The following PPP6R3 variants were observed in gnomAD, a reference collection of about 807,000 sequenced individuals.
PPP6R3 encodes protein phosphatase 6 regulatory subunit 3.
Under a neutral mutation model 110.7 loss-of-function variants are expected in PPP6R3, and 38 were observed. The observed-to-expected ratio is 0.34, with a 90% CI of 0.26 to 0.45. PPP6R3 has a LOEUF of 0.45. Among genes scored for constraint, PPP6R3 ranks in the 20% least tolerant of loss-of-function variants. The pLI, the probability that PPP6R3 is intolerant of heterozygous loss-of-function variation, is 1.00. For missense variants in PPP6R3, 870 were observed against 1,062.4 expected, an observed-to-expected ratio of 0.82 and a Z score of 2.52; for synonymous variants, 369 against 373.5, an observed-to-expected ratio of 0.99 and a Z score of 0.14.
intron 4 of PPP6R3, among the ~76,000 whole-genome samples, chr11:68,547,563 A>G (rs1302883697): frequency 6.6e-6 from 1 of 152,326 alleles, no homozygotes; most frequent in African/African-American, 2.4e-5. Flanking sequence ...GTGAAGTCAA[A>G]ATCAAAGGCG....
At chr11:68,576,067 T>G (rs776257651) in intron 14 of PPP6R3, 24 bp downstream of exon 14, 1 of 1,527,770 alleles carries the variant, frequency 6.5e-7, no homozygotes, top group East Asian at 2.3e-5. Flanking sequence ...GGTTACATTT[T>G]TATTCTTTCA....
At chr11:68,575,925 T>C in intron 13 of PPP6R3, 33 bp from the exon 14 acceptor site, 2 of 1,499,714 alleles carry the variant, frequency 1.3e-6, no homozygotes, top group Non-Finnish European at 1.9e-6. Flanking sequence ...GTCATTGTGG[T>C]GATAATGCTT....
intron 12 of PPP6R3, among the ~76,000 whole-genome samples, chr11:68,573,706 C>T (rs2099519471): frequency 6.6e-6 from 1 of 152,106 alleles, no homozygotes; most frequent in Admixed American, 6.5e-5. Context: ...AGAATTCTTA[C>T]CTCAGTTCCT....
chr11:68,477,741 A>AAATAT, intron 1 of PPP6R3, among the ~76,000 whole-genome samples: 34 of 57,906 alleles, frequency 5.9e-4, no homozygotes, highest in East Asian at 3.1e-3. Flanking sequence ...AAAAAAAAAA[A>AAATAT]ATATATATAT....
intron 4 of PPP6R3, among the ~76,000 whole-genome samples, chr11:68,546,996 A>G (rs543504475): frequency 1.3e-5 from 2 of 152,322 alleles, no homozygotes; most frequent in African/African-American, 4.8e-5. Flanking sequence ...TTATATCATA[A>G]TGCTTGACCT....
At chr11:68,529,157 A>G (rs2099220765) in intron 2 of PPP6R3, among the ~76,000 whole-genome samples, 1 of 152,188 alleles carries the variant, frequency 6.6e-6, no homozygotes, top group Non-Finnish European at 1.5e-5. Flanking sequence ...TTCTGAAAAT[A>G]TATTTTGAAT....
chr11:68,508,121 C>CTTTTTTTTTTTT lies in PPP6R3; in HGVS notation c.-157-11366_-157-11355dup, dbSNP rs748376581. Among the ~76,000 whole-genome samples the CTTTTTTTTTTTT allele has an allele frequency of 3.4e-3, 267 of 77,622 alleles. 21 individuals carry two copies. Among genetic ancestry groups the CTTTTTTTTTTTT allele is most frequent in the African/African-American group, 0.015 (254 of 16,442 alleles). The allele number at this position is 77,622 out of a possible 152,430, so 50.9% of individuals were successfully genotyped here. On this transcript the variant is annotated intron_variant, in intron 1 of 23. Transcript: ENST00000393800. ...CCCCGGCCTAAGTGAGTTTTTTGGC[C>CTTTTTTTTTTTT]TTTTTTTTTTTTTTTTTTTTTTTTT...
intron 1 of PPP6R3, among the ~76,000 whole-genome samples, chr11:68,491,870 T>TA (rs571714479): frequency 1.3e-3 from 198 of 148,422 alleles, no homozygotes; most frequent in Middle Eastern, 3.4e-3. Flanking sequence ...CTGATGAGCT[T>TA]AAAAAAAAAA....
intron 22 of PPP6R3, among the ~76,000 whole-genome samples, chr11:68,606,377 ATC>A (rs915850649): frequency 9.4e-5 from 13 of 137,646 alleles, no homozygotes; most frequent in African/African-American, 1.6e-4. Context: ...GCTCACTGCA[ATC>A]TCTGTCTCCT....
At chr11:68,527,744 A>G (rs989224434) in intron 2 of PPP6R3, among the ~76,000 whole-genome samples, 3 of 152,254 alleles carry the variant, frequency 2.0e-5, no homozygotes, top group African/African-American at 7.2e-5. Flanking sequence ...AGTGCCGTGC[A>G]TTCACACACA....
intron 1 of PPP6R3, among the ~76,000 whole-genome samples, chr11:68,506,908 G>A (rs1380437817): frequency 6.6e-6 from 1 of 152,154 alleles, no homozygotes; most frequent in Non-Finnish European, 1.5e-5. Context: ...ACTAAATGTA[G>A]CTCGGTGATT....
chr11:68,540,098 C>A (rs896959607), intron 3 of PPP6R3, among the ~76,000 whole-genome samples: 1 of 152,188 alleles, frequency 6.6e-6, no homozygotes, highest in Non-Finnish European at 1.5e-5. Flanking sequence ...TGGAGACAGG[C>A]CATGCAAGGC....
chr11:68,594,351 A>AGT (rs1566085199), intron 18 of PPP6R3, among the ~76,000 whole-genome samples: 4 of 147,122 alleles, frequency 2.7e-5, no homozygotes, highest in African/African-American at 1.1e-4. Flanking sequence ...AGAGAGTGAG[A>AGT]GAGAGAGAGA....
intron 8 of PPP6R3, among the ~76,000 whole-genome samples, chr11:68,563,902 T>C (rs143825914): frequency 6.6e-6 from 1 of 152,342 alleles, no homozygotes; most frequent in East Asian, 1.9e-4. Flanking sequence ...AAAAACTGTA[T>C]GGAACAAGTA....
chr11:68,494,025 C>T (rs1360185270), intron 1 of PPP6R3, among the ~76,000 whole-genome samples: 1 of 151,162 alleles, frequency 6.6e-6, no homozygotes, highest in East Asian at 1.9e-4. Context: ...ATGGCGTGAA[C>T]CCGGGAGGAG....
rs539259930 is a variant in PPP6R3, at chr11:68,601,709, G to C, written c.2193-154G>C. On this transcript the variant is annotated intron_variant, in intron 20 of 23. Coordinates refer to ENST00000393800, the MANE Select transcript of PPP6R3 (RefSeq NM_001164161.2). Reference sequence around the variant, plus strand: ...TTCTTCAAACAGCTACTGGCACTTAGATCCATGTGTCACTGGAGTTTGTAA... The same window carrying C: ...TTCTTCAAACAGCTACTGGCACTTACATCCATGTGTCACTGGAGTTTGTAA... 4.6e-5 allele frequency among the ~76,000 whole-genome samples: 7 copies of C among 152,306 alleles called. No homozygotes were observed. The East Asian group carries it at 1.3e-3, about 29-fold the overall frequency.
chr11:68,480,778 A>G (rs1031584295), intron 1 of PPP6R3, among the ~76,000 whole-genome samples: 15 of 152,344 alleles, frequency 9.8e-5, no homozygotes, highest in Middle Eastern at 3.4e-3. Context: ...AAAAATTACA[A>G]TAGGGGAGTT....
At chr11:68,490,576 T>A (rs1565375735) in intron 1 of PPP6R3, among the ~76,000 whole-genome samples, 1 of 152,150 alleles carries the variant, frequency 6.6e-6, no homozygotes, top group Admixed American at 6.5e-5. Flanking sequence ...GATATTACCA[T>A]CACATATGTT....
At chr11:68,497,740 T>C (rs975503800) in intron 1 of PPP6R3, among the ~76,000 whole-genome samples, 8 of 152,250 alleles carry the variant, frequency 5.3e-5, no homozygotes, top group African/African-American at 1.9e-4. Flanking sequence ...GTGTTATTAC[T>C]GAAGGATGAA....
Sources: gnomAD v4.1 joint callset for allele counts (sites outside exome capture counted in the v4.1 genomes callset) on GRCh38, gnomAD v4.1.1 for gene constraint, MANE v1.5 for transcripts, NCBI Gene and HGNC (gene_info 2026-07-23, HGNC 2026-07-21) for gene names.